RWDD4: variants seen among roughly 807,000 people sequenced by gnomAD.
RWDD4 encodes the protein RWD domain-containing protein 4.
In RWDD4, 16 loss-of-function variants were observed where a neutral mutation model predicts 30.0. That is an observed-to-expected ratio of 0.53 (90% CI 0.36 to 0.81). The LOEUF (loss-of-function observed/expected upper bound fraction) is 0.81. Ranked by LOEUF, RWDD4 falls within the 30% of genes least tolerant of loss-of-function variation. The pLI, the probability that RWDD4 is intolerant of heterozygous loss-of-function variation, is 0.00. For synonymous variants in RWDD4, 45 were observed against 72.1 expected (o/e 0.62, Z 1.90); for missense variants, 170 against 223.9 (o/e 0.76, Z 1.54).
intron 5 of RWDD4, among the ~76,000 whole-genome samples, chr4:183,648,663 T>A (rs1488930807): frequency 1.3e-5 from 2 of 152,192 alleles, no homozygotes; most frequent in Non-Finnish European, 2.9e-5. Flanking sequence ...AAATTTTTAA[T>A]AACACACAGC....
At chr4:183,648,236 C>CAAAAGA (rs367700914) in intron 5 of RWDD4, among the ~76,000 whole-genome samples, 84 of 119,240 alleles carry the variant, frequency 7.0e-4, no homozygotes, top group South Asian at 1.2e-3. Flanking sequence ...GACTCCGTCT[C>CAAAAGA]AAAAGAAAAA....
In RWDD4 at chr4:183,659,074, C is replaced by T. The variant is rs569582631; in HGVS notation, c.-122G>A. 1 of 729,862 alleles carries T rather than the reference C, an allele frequency of 1.4e-6. No individual in the cohort carries two copies. Among genetic ancestry groups the T allele is most frequent in the Non-Finnish European group, 1.9e-6 (1 of 530,234 alleles). 45.2% of individuals were successfully genotyped at this position (729,862 alleles called of 1,614,324 possible). On this transcript the variant is annotated 5_prime_UTR_variant, in exon 1 of 8. Transcript: ENST00000326397. ...GCCTCGGCTGTGGGGGCGGCACAGT[C>T]TTGGCACTGGCAGACGCCAACTGCG... is the stretch of plus-strand genomic sequence containing the variant.
Position 183,641,342 on chromosome 4 carries a change from A to C in RWDD4, c.*94T>G. 1.9e-6 allele frequency: 2 copies of C among 1,033,316 alleles called. No homozygotes were observed. Among genetic ancestry groups the C allele is most frequent in the South Asian group, 2.8e-5 (2 of 72,422 alleles). The allele number at this position is 1,033,316 out of a possible 1,614,324, so 64.0% of individuals were successfully genotyped here. A position where few individuals can be genotyped will look rare whatever the true frequency, so the allele number is the denominator to read the frequency against. On this transcript the variant is annotated 3_prime_UTR_variant, in exon 8 of 8. Transcript: ENST00000326397. ...ACATACAAAAAATTGTGTTTTATAA[A>C]AAGTCGCCTCAATACCAGAAAATAG...
At chr4:183,642,505 T>C (rs1733879629) in intron 7 of RWDD4, among the ~76,000 whole-genome samples, 2 of 152,090 alleles carry the variant, frequency 1.3e-5, no homozygotes, top group East Asian at 3.9e-4. Context: ...CTCTTTATTA[T>C]CTAGCTCAGT....
Sources: allele counts gnomAD v4.1 joint callset (sites outside exome capture counted in the v4.1 genomes callset), GRCh38; gene constraint gnomAD v4.1.1; transcripts MANE v1.5; gene names NCBI Gene and HGNC (gene_info 2026-07-23, HGNC 2026-07-21).